The following PLD5 variants were observed in gnomAD, a reference collection of about 807,000 sequenced individuals.
The protein encoded by PLD5 is phospholipase D family member 5.
A neutral mutation model predicts 61.1 loss-of-function variants in PLD5; 36 were observed. The observed-to-expected ratio is 0.59, with a 90% CI of 0.45 to 0.78. The LOEUF (loss-of-function observed/expected upper bound fraction) is 0.78, where lower values mean the gene tolerates loss of function less well. PLD5 is among the 30% of genes least tolerant of loss of function. PLD5 has a pLI of 0.00. For missense variants in PLD5, 515 were observed against 644.4 expected (o/e 0.80, Z 2.17); for synonymous variants, 243 against 242.8 (o/e 1.00, Z -0.01).
At chr1:242,525,834 A>T (rs922325070), upstream of PLD5, among the ~76,000 whole-genome samples, 2 of 152,258 alleles carry the variant, frequency 1.3e-5, no homozygotes, top group East Asian at 1.9e-4. Context: ...GTCTCCATTT[A>T]AAAAAATGGT....
At chr1:242,384,778 T>C (rs925497987) in intron 1 of PLD5, among the ~76,000 whole-genome samples, 1 of 152,206 alleles carries the variant, frequency 6.6e-6, no homozygotes, top group African/African-American at 2.4e-5. Flanking sequence ...ATCTCCAGGA[T>C]GAAAATAAAA....
rs140441900 is a variant in PLD5, at chr1:242,411,736, C to T, written c.190-63494G>A. Among the ~76,000 whole-genome samples the T allele has an allele frequency of 2.1e-4, 32 of 152,202 alleles. 1 individual carries two copies. Among genetic ancestry groups the T allele is most frequent in the African/African-American group, 7.5e-4 (31 of 41,524 alleles). On this transcript the variant is annotated intron_variant, in intron 1 of 9. Transcript: ENST00000536534. ...AAGAGACGTTTCCCTATAAACTCTG[C>T]CAAGTTTCTCCCATTGGCAACGTCT...
Position 242,349,006 on chromosome 1 carries a change from AT to A in PLD5, c.190-765del, listed in dbSNP as rs1202353227. ...GAGGCGGAGCTTGCAGTGAGCCAAG[AT>A]CGCACCACTGCACTCCAGCCTGGGT... On this transcript the variant is annotated intron_variant, in intron 1 of 9. Transcript: ENST00000536534. 2.6e-5 allele frequency among the ~76,000 whole-genome samples: 4 copies of A among 152,330 alleles called. No homozygotes were observed. The East Asian group carries it at 7.7e-4, about 29-fold the overall frequency.
At chr1:242,127,109 C>T (rs1047235931) in intron 5 of PLD5, among the ~76,000 whole-genome samples, 1 of 152,120 alleles carries the variant, frequency 6.6e-6, no homozygotes, top group Non-Finnish European at 1.5e-5. Context: ...TGTGATACCA[C>T]CTTACTCCTG....
At chr1:242,188,843 T>C (rs1668066575) in intron 5 of PLD5, 1 of 152,160 alleles carries the variant, frequency 6.6e-6, no homozygotes, top group Admixed American at 6.6e-5. Flanking sequence ...TCACACAGAT[T>C]GAAGGTGCCA....
At chr1:242,135,799 C>T (rs946081078) in intron 5 of PLD5, among the ~76,000 whole-genome samples, 2 of 152,132 alleles carry the variant, frequency 1.3e-5, no homozygotes, top group African/African-American at 4.8e-5. Flanking sequence ...CTACTTTGCC[C>T]AGGGCTTTGG....
At position 242,285,128 on chromosome 1, in the gene PLD5, T is replaced by G. The variant is rs181945330; in HGVS notation, c.495+3234A>C. ...AGGTCATAGGCAGTAAGTTGAAAAATTCCATTTGTTGGCAGCAGGCCAGTT... is the reference window on the plus strand; with the variant it reads ...AGGTCATAGGCAGTAAGTTGAAAAAGTCCATTTGTTGGCAGCAGGCCAGTT... On this transcript the variant is annotated intron_variant, in intron 3 of 9. Coordinates refer to ENST00000536534, the MANE Select transcript of PLD5 (RefSeq NM_001372062.1). 7.3e-3 allele frequency among the ~76,000 whole-genome samples: 1,114 copies of G among 152,342 alleles called. 15 individuals carry two copies. Among genetic ancestry groups the G allele is most frequent in the African/African-American group, 0.025 (1,041 of 41,572 alleles).
At chr1:242,252,222 G>A (rs1242568330) in intron 4 of PLD5, among the ~76,000 whole-genome samples, 2 of 152,234 alleles carry the variant, frequency 1.3e-5, no homozygotes, top group Non-Finnish European at 2.9e-5. Context: ...GGTTCATGCT[G>A]AACAGCCTGC....
chr1:242,409,928 T>A (rs185866635), intron 1 of PLD5, among the ~76,000 whole-genome samples: 2 of 152,160 alleles, frequency 1.3e-5, no homozygotes, highest in East Asian at 3.9e-4. Context: ...CACTTGTGTA[T>A]CAAAGGTTGC....
In PLD5 at chr1:242,212,421, C is replaced by T. The variant is rs74150863; in HGVS notation, c.735+7567G>A. 2.2e-3 allele frequency among the ~76,000 whole-genome samples: 339 copies of T among 152,264 alleles called. 2 individuals carry two copies. The highest frequency in any genetic ancestry group is 0.01 in the Middle Eastern group (3 of 294). ...GACCAGAGCTGCGCGACCATGCGAG[C>T]GGTGGGCAGAAGGAAAGGCTCAGCA... is the stretch of plus-strand genomic sequence containing the variant. On this transcript the variant is annotated intron_variant, in intron 5 of 9. Transcript: ENST00000536534.
intron 5 of PLD5, among the ~76,000 whole-genome samples, chr1:242,170,364 A>G (rs1666658946): frequency 6.6e-6 from 1 of 152,214 alleles, no homozygotes; most frequent in African/African-American, 2.4e-5. Flanking sequence ...GAAAACTAAC[A>G]AAAAGGAATA....
intron 1 of PLD5, among the ~76,000 whole-genome samples, chr1:242,446,976 C>G (rs144019570): frequency 3.6e-4 from 55 of 152,216 alleles, no homozygotes; most frequent in Non-Finnish European, 6.9e-4. Context: ...TCAGAAAGCA[C>G]AGAACTCTGT....
At chr1:242,234,903 G>A (rs1196776667) in intron 4 of PLD5, among the ~76,000 whole-genome samples, 1 of 152,060 alleles carries the variant, frequency 6.6e-6, no homozygotes. Context: ...AGACTTGAGG[G>A]CCCTGACATC....
At chr1:242,528,912 A>G (rs1669498460), upstream of PLD5, among the ~76,000 whole-genome samples, 1 of 152,210 alleles carries the variant, frequency 6.6e-6, no homozygotes, top group South Asian at 2.1e-4. Flanking sequence ...ATTTTGTCAA[A>G]GGTTTACTAC....
chr1:242,133,170 G>A (rs1458447737), intron 5 of PLD5, among the ~76,000 whole-genome samples: 1 of 152,062 alleles, frequency 6.6e-6, no homozygotes, highest in Non-Finnish European at 1.5e-5. Context: ...ATAACTTTGT[G>A]ACTTCACTTC....
chr1:242,446,843 C>T (rs779985136), intron 1 of PLD5, among the ~76,000 whole-genome samples: 5 of 152,146 alleles, frequency 3.3e-5, no homozygotes, highest in South Asian at 2.1e-4. Flanking sequence ...ACCCATCTAG[C>T]GCCTGCTCTC....
rs552177439 is a variant in PLD5 at position 242,524,584 on chromosome 1, G to A, written c.-308C>T. 797 of 239,102 alleles carry A rather than the reference G, an allele frequency of 3.3e-3. 11 individuals carry two copies. The highest frequency in any genetic ancestry group is 0.017 in the African/African-American group (741 of 43,018). 14.8% of individuals were successfully genotyped at this position (239,102 alleles called of 1,614,324 possible). On this transcript the variant is annotated 5_prime_UTR_variant, in exon 1 of 10. Transcript: ENST00000536534. ...GAGAAGGGGGACGAGAGGGGACAGG[G>A]AGGGAAAGGAACCTGCTCCGGGGAG...
At chr1:242,183,279 C>T (rs1302523963) in intron 5 of PLD5, among the ~76,000 whole-genome samples, 2 of 152,134 alleles carry the variant, frequency 1.3e-5, no homozygotes, top group East Asian at 1.9e-4. Context: ...AGACATCATT[C>T]CTTGTTAAAT....
At chr1:242,373,717 G>A (rs1049685465) in intron 1 of PLD5, among the ~76,000 whole-genome samples, 4 of 151,936 alleles carry the variant, frequency 2.6e-5, no homozygotes, top group Admixed American at 6.6e-5. Flanking sequence ...ACCAAACACC[G>A]CACGTTCTCA....
Sources: allele counts gnomAD v4.1 joint callset (sites outside exome capture counted in the v4.1 genomes callset), GRCh38; gene constraint gnomAD v4.1.1; transcripts MANE v1.5; gene names NCBI Gene and HGNC (gene_info 2026-07-23, HGNC 2026-07-21).